Variants in HOXC5 observed in about 807,000 individuals in gnomAD.
HOXC5 encodes homeobox C5.
Under a neutral mutation model 20.1 loss-of-function variants are expected in HOXC5, and 19 were observed. The ratio of observed to expected loss-of-function variants is 0.94; its 90% CI spans 0.66 to 1.38. The LOEUF is 1.38. Among genes scored for constraint, HOXC5 ranks in the 40% most tolerant of loss-of-function variants. The pLI is 0.00. For synonymous variants in HOXC5, 124 were observed against 117.0 expected (o/e 1.06, Z -0.39); for missense variants, 330 against 300.1 (o/e 1.10, Z -0.74).
At position 54,033,531 on chromosome 12, in the gene HOXC5, C is replaced by T. The variant is rs1234747101; in HGVS notation, c.409C>T (p.Pro137Ser). The T allele has an allele frequency of 1.3e-6, 2 of 1,597,790 alleles. No individual in the cohort carries two copies. The highest frequency in any genetic ancestry group is 1.3e-5 in the African/African-American group (1 of 74,916). The change falls in exon 1 of 2, where the codon CCG (proline) becomes TCG (serine). Residue 137 changes from proline to serine, a missense_variant. By Grantham distance (74) the Pro-to-Ser change is moderately conservative. Coordinates refer to ENST00000312492, the MANE Select transcript of HOXC5 (RefSeq NM_018953.4). ...QPAGLSQPPA[P>S]PQIYPWMTKL... The stretch of plus-strand genomic sequence containing the variant: ...CGCCGGACTGAGCCAGCCACCGGCC[C>T]CGCCACAGATTTACCCGTGGATGAC...
At chr12:54,027,223 G>T in the HOXC5 span, among the ~76,000 whole-genome samples, 2 of 152,216 alleles carry the variant, frequency 1.3e-5, no homozygotes, top group Non-Finnish European at 2.9e-5. Flanking sequence ...TGGGCGTTGA[G>T]GTTGCTGAGA....
rs770412706 is a variant in HOXC5, at chr12:54,033,238, G to A, written c.116G>A (p.Cys39Tyr). The change falls in exon 1 of 2, where the codon TGC (cysteine) becomes TAC (tyrosine). Residue 39 changes from cysteine to tyrosine, a missense_variant. Cys to Tyr is a radical substitution (Grantham distance 194, BLOSUM62 -2). Transcript: ENST00000312492. ...SASEVQASRY[C>Y]YGGLDLSITF... ...TCAGAGGTGCAGGCATCCAGGTACTGCTACGGCGGATTGGACTTAAGCATC... is the reference window on the plus strand; with the variant it reads ...TCAGAGGTGCAGGCATCCAGGTACTACTACGGCGGATTGGACTTAAGCATC... 3.7e-6 allele frequency: 6 copies of A among 1,614,078 alleles called. No individual in the cohort carries two copies. In the East Asian group the frequency reaches 6.7e-5, roughly 18 times the overall value.
chr12:54,030,140 C>CA (rs1290076597), upstream of HOXC5: 1 of 602,144 alleles, frequency 1.7e-6, no homozygotes, highest in Non-Finnish European at 2.8e-6. Context: ...CCTCACCGCA[C>CA]AACTCTCTTT....
In HOXC5 at chr12:54,033,430, C is replaced by A. The variant is rs373127865; in HGVS notation, c.308C>A (p.Ala103Glu). ...PLNPGMYSQK[A>E]ARPALEERAK... The stretch of plus-strand genomic sequence containing the variant: ...AACCCCGGGATGTACAGTCAGAAGG[C>A]GGCTCGCCCGGCGCTGGAGGAGCGA... Residue 103 changes from alanine (A) to glutamate (E), a missense_variant, in exon 1 of 2, where the codon GCG (alanine) becomes GAG (glutamate). By Grantham distance (107) the Ala-to-Glu change is moderately radical. Coordinates refer to ENST00000312492, the MANE Select transcript of HOXC5 (RefSeq NM_018953.4). 20 of 1,602,106 alleles carry A rather than the reference C, an allele frequency of 1.2e-5. No homozygotes were observed. Among genetic ancestry groups the A allele is most frequent in the Non-Finnish European group, 1.4e-5 (16 of 1,175,274 alleles).
chr12:54,031,161 TCC>T (rs1329889247), upstream of HOXC5, among the ~76,000 whole-genome samples: 5 of 152,176 alleles, frequency 3.3e-5, no homozygotes, highest in African/African-American at 1.2e-4. Flanking sequence ...GTCCTCGGCG[TCC>T]GAACCCTGAG....
upstream of HOXC5, chr12:54,028,368 C>T: frequency 1.3e-6 from 1 of 741,582 alleles, no homozygotes; most frequent in South Asian, 2.2e-5. Flanking sequence ...TTCCTGACAT[C>T]TGGCTTGCGA....
chr12:54,019,531 A>G, the HOXC5 span, among the ~76,000 whole-genome samples: 1 of 151,972 alleles, frequency 6.6e-6, no homozygotes, highest in Non-Finnish European at 1.5e-5. Context: ...TTTCGCCTGC[A>G]TTTTGTCCGC....
At chr12:54,019,354 G>A in the HOXC5 span, among the ~76,000 whole-genome samples, 22 of 152,198 alleles carry the variant, frequency 1.4e-4, no homozygotes, top group African/African-American at 5.3e-4. Context: ...AGTGGCTGAT[G>A]CCCCGCGGAT....
upstream of HOXC5, among the ~76,000 whole-genome samples, chr12:54,031,282 G>T (rs1940974959): frequency 6.6e-6 from 1 of 152,228 alleles, no homozygotes; most frequent in South Asian, 2.1e-4. Flanking sequence ...CCAGGCCCGC[G>T]CCAAGCTGGC....
intron 1 of HOXC5, chr12:54,033,815 G>A (rs1941085588): frequency 1.8e-6 from 1 of 568,028 alleles, no homozygotes; most frequent in Non-Finnish European, 3.1e-6. Flanking sequence ...GGAGAGGGAG[G>A]GAGTTAAAAA....
At position 54,033,461 on chromosome 12, in the gene HOXC5, G is replaced by A. The variant is rs1001521503; in HGVS notation, c.339G>A (p.Lys113=). ...AARPALEERA[K]SSGEIKEEQA... ...GCCCGGCGCTGGAGGAGCGAGCTAA[G>A]AGCAGTGGGGAGATCAAAGAGGAGC... The change falls in exon 1 of 2, where the codon AAG becomes AAA. Residue 113 remains lysine, a synonymous_variant. Transcript: ENST00000312492. 4 of 1,598,676 alleles carry A rather than the reference G, an allele frequency of 2.5e-6. No homozygotes were observed. Among genetic ancestry groups the A allele is most frequent in the Non-Finnish European group, 3.4e-6 (4 of 1,174,392 alleles).
At chr12:54,034,030 T>G (rs1166184665) in intron 1 of HOXC5, 8 of 683,112 alleles carry the variant, frequency 1.2e-5, no homozygotes, top group Non-Finnish European at 2.2e-5. Flanking sequence ...GGTCTCCCTC[T>G]TCCCCCCAAC....
Position 54,033,203 on chromosome 12 carries a change from T to C in HOXC5, c.81T>C (p.Tyr27=). 7 of 1,614,196 alleles carry C rather than the reference T, an allele frequency of 4.3e-6. No individual in the cohort carries two copies. The highest frequency in any genetic ancestry group is 8.5e-7 in the Non-Finnish European group (1 of 1,180,036). ...ATAACATGCAAACTTGTGGGAACTA[T>C]GGATCGGCCTCAGAGGTGCAGGCAT... is the stretch of plus-strand genomic sequence containing the variant. ...PAYNMQTCGN[Y]GSASEVQASR... is the part of the protein sequence containing the mutation. Residue 27 remains tyrosine (Y), a synonymous_variant, in exon 1 of 2, where the codon TAT becomes TAC. Transcript: ENST00000312492.
At chr12:54,032,541 C>T (rs535124813), upstream of HOXC5, among the ~76,000 whole-genome samples, 5 of 152,280 alleles carry the variant, frequency 3.3e-5, no homozygotes, top group South Asian at 1.0e-3. Context: ...ATTGGAAGAC[C>T]CTGGAGGTTG....
intron 1 of HOXC5, chr12:54,033,927 G>T (rs1216575334): frequency 4.6e-6 from 2 of 432,794 alleles, no homozygotes; most frequent in East Asian, 5.7e-5. Flanking sequence ...GCCGGCGCTT[G>T]CGGCTCCGGA....
At chr12:54,031,383 C>T (rs1940981135), upstream of HOXC5, among the ~76,000 whole-genome samples, 1 of 152,210 alleles carries the variant, frequency 6.6e-6, no homozygotes, top group African/African-American at 2.4e-5. Flanking sequence ...GATTCAAGGA[C>T]ATCTCGAGAG....
chr12:54,019,283 T>C, the HOXC5 span, among the ~76,000 whole-genome samples: 1 of 144,410 alleles, frequency 6.9e-6, no homozygotes, highest in Admixed American at 7.5e-5. Flanking sequence ...TCTCCCCAAA[T>C]GGGCCCAGCC....
At chr12:54,026,867 C>G in the HOXC5 span, among the ~76,000 whole-genome samples, 1 of 152,072 alleles carries the variant, frequency 6.6e-6, no homozygotes. Flanking sequence ...ATTGATTACT[C>G]CGCTTTGTTA....
At chr12:54,029,944 G>C, upstream of HOXC5, 1 of 1,585,688 alleles carries the variant, frequency 6.3e-7, no homozygotes, top group African/African-American at 1.4e-5. Context: ...AGACAGAAGA[G>C]GAGAAGCAGA....
Sources: gnomAD v4.1 joint callset for allele counts (sites outside exome capture counted in the v4.1 genomes callset) on GRCh38, gnomAD v4.1.1 for gene constraint, MANE v1.5 for transcripts, NCBI Gene and HGNC (gene_info 2026-07-23, HGNC 2026-07-21) for gene names.